Variants in ANKRD10 observed in about 807,000 individuals in gnomAD.
ANKRD10 encodes the protein ankyrin repeat domain 10.
Under a neutral mutation model 27.0 loss-of-function variants are expected in ANKRD10, and 14 were observed. That is an observed-to-expected ratio of 0.52 (90% CI 0.34 to 0.81). The LOEUF (loss-of-function observed/expected upper bound fraction) is 0.81. Ranked by LOEUF, ANKRD10 falls within the 40% of genes least tolerant of loss-of-function variation. The pLI is 0.01. For synonymous variants in ANKRD10, 250 were observed against 224.5 expected (o/e 1.11, Z -1.01); for missense variants, 493 against 544.0 (o/e 0.91, Z 0.93).
chr13:110,903,616 C>A (rs1403227008), intron 3 of ANKRD10: 3 of 153,124 alleles, frequency 2.0e-5, no homozygotes, highest in Non-Finnish European at 4.4e-5. Context: ...TTATTATGTA[C>A]CTGATGTCCA....
chr13:110,915,029 G>T lies in ANKRD10; in HGVS notation c.-95C>A. ...GCCGCAGCACAAAGGAACGAGACTA[G>T]CGCCGCGGTCGCGTCCCACAGGCTG... On this transcript the variant is annotated 5_prime_UTR_variant, in exon 1 of 6. Transcript: ENST00000267339. 6.9e-7 allele frequency: 1 copy of T among 1,445,548 alleles called. No individual in the cohort carries two copies. The highest frequency in any genetic ancestry group is 1.4e-5 in the South Asian group (1 of 70,230). The allele number at this position is 1,445,548 out of a possible 1,614,324, so 89.5% of individuals were successfully genotyped here.
chr13:110,889,519 GAC>G (rs1350673053), intron 4 of ANKRD10, among the ~76,000 whole-genome samples: 1 of 152,162 alleles, frequency 6.6e-6, no homozygotes, highest in East Asian at 1.9e-4. Flanking sequence ...TTCCTTCCAA[GAC>G]AGTTAATATT....
chr13:110,898,726 C>G (rs2065295956), intron 3 of ANKRD10, among the ~76,000 whole-genome samples: 1 of 151,466 alleles, frequency 6.6e-6, no homozygotes, highest in Admixed American at 6.6e-5. Context: ...GTACACAACA[C>G]CATACCCAAC....
In ANKRD10 at chr13:110,879,568, T is replaced by C. The variant is rs1464349064; in HGVS notation, c.*69A>G. On this transcript the variant is annotated 3_prime_UTR_variant, in exon 6 of 6. Transcript: ENST00000267339. ...AAGTTGTGACATTCGTTCAAGTTGC[T>C]GCTACATGGGTATTCTGAGCTGGCT... The C allele has an allele frequency of 8.3e-7, 1 of 1,199,478 alleles. No individual in the cohort carries two copies. Among genetic ancestry groups the C allele is most frequent in the African/African-American group, 1.5e-5 (1 of 65,714 alleles). The allele number at this position is 1,199,478 out of a possible 1,614,324, so 74.3% of individuals were successfully genotyped here. A position where few individuals can be genotyped will look rare whatever the true frequency, so the allele number is the denominator to read the frequency against.
At chr13:110,892,905 C>A (rs887135841) in intron 4 of ANKRD10, 123 bp downstream of exon 4, 1 of 1,468,728 alleles carries the variant, frequency 6.8e-7, no homozygotes, top group Non-Finnish European at 9.0e-7. Context: ...ACCGCACAAT[C>A]CACCAGGCGC....
intron 3 of ANKRD10, among the ~76,000 whole-genome samples, chr13:110,902,049 GAAA>G (rs10656736): frequency 1.5e-4 from 17 of 115,418 alleles, no homozygotes; most frequent in Admixed American, 4.7e-4. Context: ...TCTCTTTTTA[GAAA>G]AAAAAAAAAA....
rs1480110079 is a variant in ANKRD10, at chr13:110,880,049, A to G, written c.851T>C (p.Leu284Ser). 6.2e-7 allele frequency: 1 copy of G among 1,614,178 alleles called. No homozygotes were observed. Among genetic ancestry groups the G allele is most frequent in the Non-Finnish European group, 8.5e-7 (1 of 1,180,034 alleles). The part of the protein sequence containing the change: ...LTNGCVINGH[L>S]DFPSTTPLSG... ...GAGCGGGGTCGTGGAGGGGAAGTCCAAATGTCCATTGATGACACATCCATT... is the reference window on the plus strand; with the variant it reads ...GAGCGGGGTCGTGGAGGGGAAGTCCGAATGTCCATTGATGACACATCCATT... Residue 284 changes from leucine to serine, a missense_variant, in exon 6 of 6, where the codon TTG (leucine) becomes TCG (serine). Leu to Ser is a moderately radical substitution (Grantham distance 145, BLOSUM62 -2). Transcript: ENST00000267339.
chr13:110,901,679 T>C (rs1197411862), intron 3 of ANKRD10, among the ~76,000 whole-genome samples: 2 of 152,212 alleles, frequency 1.3e-5, no homozygotes, highest in African/African-American at 4.8e-5. Flanking sequence ...CAGGAACTGA[T>C]TCCTCCATCC....
chr13:110,889,747 T>A (rs2065027032), intron 4 of ANKRD10, among the ~76,000 whole-genome samples: 1 of 152,196 alleles, frequency 6.6e-6, no homozygotes, highest in Admixed American at 6.5e-5. Flanking sequence ...TTTACAGGGA[T>A]CTCCTTAAGA....
intron 4 of ANKRD10, 102 bp downstream of exon 4, chr13:110,892,926 G>C: frequency 6.6e-7 from 1 of 1,504,220 alleles, no homozygotes; most frequent in South Asian, 1.4e-5. Context: ...ATTACCACCT[G>C]AAGTGAAGGT....
intron 3 of ANKRD10, among the ~76,000 whole-genome samples, chr13:110,902,556 A>C (rs2065414759): frequency 6.6e-6 from 1 of 152,228 alleles, no homozygotes; most frequent in African/African-American, 2.4e-5. Flanking sequence ...ACTTTTCTAG[A>C]GTGAGTCACT....
intron 4 of ANKRD10, among the ~76,000 whole-genome samples, chr13:110,892,304 C>T (rs865989133): frequency 9.4e-5 from 14 of 148,384 alleles, no homozygotes; most frequent in Admixed American, 2.7e-4. Context: ...ATAGCATGCA[C>T]CTGTAATCCC....
At chr13:110,900,478 T>A (rs1466158280) in intron 3 of ANKRD10, 1 of 1,177,528 alleles carries the variant, frequency 8.5e-7, no homozygotes, top group East Asian at 5.8e-5. Context: ...ATCTAAAGCA[T>A]CTCTATCTGA....
intron 4 of ANKRD10, among the ~76,000 whole-genome samples, chr13:110,892,438 G>GAAAAAAAA (rs2065105005): frequency 9.0e-5 from 1 of 11,088 alleles, no homozygotes; most frequent in African/African-American, 3.3e-4. Context: ...AAAAAAAAAT[G>GAAAAAAAA]GTGGGAGAAT....
rs113226470 is a variant in ANKRD10 at position 110,908,149 on chromosome 13, T to C, written c.364-2025A>G. ...ATCGCAGCCACAGCAAATTGAGTGA[T>C]CTACAGGGAACTGGGAGCAGTGCCA... On this transcript the variant is annotated intron_variant, in intron 2 of 5. Coordinates refer to ENST00000267339, the MANE Select transcript of ANKRD10 (RefSeq NM_017664.4). 4.1e-3 allele frequency among the ~76,000 whole-genome samples: 622 copies of C among 152,226 alleles called. 2 individuals carry two copies. Among genetic ancestry groups the C allele is most frequent in the African/African-American group, 0.014 (591 of 41,538 alleles).
At position 110,893,127 on chromosome 13, in the gene ANKRD10, G is replaced by A. The variant is rs147345813; in HGVS notation, c.592C>T (p.His198Tyr). ...ATATGATTAGGAAATACATTCTGAT[G>A]ACCCCCATTTAAGATGCCATTGTTA... ...FYNNGILNGG[H>Y]QNVFPNHISV... Residue 198 changes from histidine to tyrosine, a missense_variant, in exon 4 of 6, where the codon CAT becomes TAT. Coordinates refer to ENST00000267339, the MANE Select transcript of ANKRD10 (RefSeq NM_017664.4). The A allele has an allele frequency of 4.0e-4, 647 of 1,614,160 alleles. 1 individual carries two copies. Among genetic ancestry groups the A allele is most frequent in the South Asian group, 1.3e-3 (116 of 91,080 alleles).
At chr13:110,894,054 G>T in intron 3 of ANKRD10, 1 of 1,256,256 alleles carries the variant, frequency 8.0e-7, no homozygotes, top group Non-Finnish European at 1.2e-6. Context: ...AGTAGGAAGT[G>T]ATGGCAGAGT....
chr13:110,914,311 G>A (rs1459574892), intron 1 of ANKRD10, among the ~76,000 whole-genome samples: 2 of 152,182 alleles, frequency 1.3e-5, no homozygotes, highest in Non-Finnish European at 2.9e-5. Context: ...GCGACTTCGC[G>A]GCCTAATACC....
At chr13:110,897,312 T>TA (rs34602847) in intron 3 of ANKRD10, among the ~76,000 whole-genome samples, 25 of 129,966 alleles carry the variant, frequency 1.9e-4, no homozygotes, top group African/African-American at 2.7e-4. Context: ...TTTTTTTTTT[T>TA]AATTTTGAGA....
Sources: allele counts gnomAD v4.1 joint callset (sites outside exome capture counted in the v4.1 genomes callset), GRCh38; gene constraint gnomAD v4.1.1; transcripts MANE v1.5; gene names NCBI Gene and HGNC (gene_info 2026-07-23, HGNC 2026-07-21).